RASGEF1A: variants seen among roughly 807,000 people sequenced by gnomAD.
RASGEF1A encodes ras-GEF domain-containing family member 1A.
In RASGEF1A, 18 loss-of-function variants were observed where a neutral mutation model predicts 56.4. The ratio of observed to expected loss-of-function variants is 0.32; its 90% CI spans 0.22 to 0.47. The LOEUF (loss-of-function observed/expected upper bound fraction) is 0.47, where lower values mean the gene tolerates loss of function less well. Ranked by LOEUF, RASGEF1A falls within the 20% of genes least tolerant of loss-of-function variation. RASGEF1A has a pLI of 1.00. For synonymous variants in RASGEF1A, 245 were observed against 242.6 expected, an observed-to-expected ratio of 1.01 and a Z score of -0.09; for missense variants, 422 against 627.1, an observed-to-expected ratio of 0.67 and a Z score of 3.49.
chr10:43,242,948 G>A lies in RASGEF1A; in HGVS notation c.-7+23897C>T, dbSNP rs576027308. 5.7e-4 allele frequency among the ~76,000 whole-genome samples: 87 copies of A among 152,304 alleles called. No individual in the cohort carries two copies. The South Asian group carries it at 6.2e-3, about 11-fold the overall frequency. ...CTAAGATTACAGCCTCTGCCCGCCC[G>A]CCACCCCGTCTAGGAAGTGAGCAGC... On this transcript the variant is annotated intron_variant, in intron 1 of 12. Coordinates refer to ENST00000395810, the MANE Select transcript of RASGEF1A (RefSeq NM_145313.4).
At chr10:43,230,247 GAC>G (rs920178780) in intron 1 of RASGEF1A, among the ~76,000 whole-genome samples, 6 of 152,238 alleles carry the variant, frequency 3.9e-5, no homozygotes, top group African/African-American at 1.4e-4. Context: ...TCTGGCCTGA[GAC>G]AGGCGTCGCA....
chr10:43,236,581 C>T (rs966100768), intron 1 of RASGEF1A, among the ~76,000 whole-genome samples: 6 of 152,262 alleles, frequency 3.9e-5, no homozygotes, highest in South Asian at 2.1e-4. Flanking sequence ...CTCCGTCTCT[C>T]GCGCCCTCCC....
chr10:43,204,320 G>A (rs2133188053), intron 2 of RASGEF1A, among the ~76,000 whole-genome samples: 1 of 152,274 alleles, frequency 6.6e-6, no homozygotes, highest in South Asian at 2.1e-4. Flanking sequence ...GTGCTTGCTG[G>A]GAGTACAGGC....
intron 9 of RASGEF1A, 90 bp downstream of exon 9, chr10:43,198,843 G>GC (rs947445882): frequency 3.3e-6 from 4 of 1,222,906 alleles, no homozygotes; most frequent in African/African-American, 1.5e-5. Context: ...GAGGAGGGCA[G>GC]CCCCCCACCC....
At chr10:43,240,723 C>T (rs972362944) in intron 1 of RASGEF1A, among the ~76,000 whole-genome samples, 8 of 151,868 alleles carry the variant, frequency 5.3e-5, no homozygotes, top group African/African-American at 1.7e-4. Context: ...CCACAGACAC[C>T]ATAATGGACA....
At chr10:43,203,736 T>C (rs1839950366) in intron 2 of RASGEF1A, 1 of 1,107,670 alleles carries the variant, frequency 9.0e-7, no homozygotes, top group African/African-American at 1.7e-5. Flanking sequence ...GCCTGGGACG[T>C]TGGTAGGGCT....
rs1485642682 is a variant in RASGEF1A, at chr10:43,208,414, C to CT, written c.-6-2293dup. On this transcript the variant is annotated intron_variant, in intron 1 of 12. Transcript: ENST00000395810. The stretch of plus-strand genomic sequence containing the variant: ...CCTGCCTCAGTGCTAGGAGGCCTGC[C>CT]TAGGAGTTGAGGAGCCATCCTGGGG... The CT allele has an allele frequency of 3.0e-6, 3 of 985,442 alleles. No individual in the cohort carries two copies. The African/African-American group carries it at 5.2e-5, about 17-fold the overall frequency. 61.0% of individuals were successfully genotyped at this position (985,442 alleles called of 1,614,324 possible).
At chr10:43,201,439 C>T (rs758753136) in intron 4 of RASGEF1A, among the ~76,000 whole-genome samples, 1 of 152,266 alleles carries the variant, frequency 6.6e-6, no homozygotes, top group Non-Finnish European at 1.5e-5. Context: ...AATGGGAGAC[C>T]GGTTTAAAGC....
At chr10:43,200,131 G>T in intron 6 of RASGEF1A, 51 bp downstream of exon 6, 1 of 1,461,276 alleles carries the variant, frequency 6.8e-7, no homozygotes, top group Non-Finnish European at 9.4e-7. Flanking sequence ...TGGAGCGCAA[G>T]TGCTGGGCAG....
intron 1 of RASGEF1A, among the ~76,000 whole-genome samples, chr10:43,238,187 G>C (rs571628586): frequency 7.3e-5 from 11 of 151,488 alleles, no homozygotes; most frequent in African/African-American, 2.2e-4. Context: ...GGTTAGCCAT[G>C]TCGACTTAAA....
chr10:43,252,819 G>A (rs1840642543), intron 1 of RASGEF1A, among the ~76,000 whole-genome samples: 1 of 151,982 alleles, frequency 6.6e-6, no homozygotes, highest in Non-Finnish European at 1.5e-5. Context: ...CTCGCGGCGG[G>A]AGGCAGCACC....
chr10:43,229,818 G>A, intron 1 of RASGEF1A: 1 of 1,102,612 alleles, frequency 9.1e-7, no homozygotes, highest in South Asian at 2.6e-5. Flanking sequence ...GAGGGGCTGG[G>A]CTGGGGACCG....
intron 1 of RASGEF1A, among the ~76,000 whole-genome samples, chr10:43,217,525 C>A (rs1015895123): frequency 6.6e-6 from 1 of 152,262 alleles, no homozygotes; most frequent in African/African-American, 2.4e-5. Flanking sequence ...ACACCTAGGT[C>A]CTCCCAGCTC....
chr10:43,256,164 G>A (rs1485277241), intron 1 of RASGEF1A, among the ~76,000 whole-genome samples: 4 of 152,168 alleles, frequency 2.6e-5, no homozygotes, highest in African/African-American at 9.7e-5. Flanking sequence ...TGGCCACACT[G>A]TGCCCCACAA....
intron 1 of RASGEF1A, among the ~76,000 whole-genome samples, chr10:43,233,221 G>A (rs1840393620): frequency 6.6e-6 from 1 of 152,180 alleles, no homozygotes; most frequent in African/African-American, 2.4e-5. Context: ...CATGAGGGCA[G>A]GATCTTTGTT....
chr10:43,242,339 C>T (rs1291891251), intron 1 of RASGEF1A, among the ~76,000 whole-genome samples: 1 of 152,054 alleles, frequency 6.6e-6, no homozygotes, highest in African/African-American at 2.4e-5. Context: ...CAAATATATA[C>T]CTAACAACAG....
rs1839796061 is a variant in RASGEF1A at position 43,196,262 on chromosome 10, G to A, written c.1428C>T (p.Thr476=). ...ATCCGCCTCAGGCTCTGTTCAGAAG[G>A]GTGGTCCTAGAGGGGGACAGGACAA... ...EKDSWKTLRT[T]LLNRA is the part of the protein sequence containing the mutation. Residue 476 remains threonine, a synonymous_variant, in exon 13 of 13, where the codon ACC becomes ACT. Transcript: ENST00000395810. The surrounding 1 kb of genome is among the most constrained non-coding windows in gnomAD (Gnocchi z 4.6). 6.2e-7 allele frequency: 1 copy of A among 1,613,638 alleles called. No homozygotes were observed. The highest frequency in any genetic ancestry group is 8.5e-7 in the Non-Finnish European group (1 of 1,179,766).
intron 1 of RASGEF1A, among the ~76,000 whole-genome samples, chr10:43,213,614 C>T (rs1361572661): frequency 6.6e-6 from 1 of 152,130 alleles, no homozygotes; most frequent in African/African-American, 2.4e-5. Flanking sequence ...TCTTCAAGGA[C>T]GTTGGAGAGT....
chr10:43,213,668 C>G (rs891067382), intron 1 of RASGEF1A, among the ~76,000 whole-genome samples: 1 of 152,150 alleles, frequency 6.6e-6, no homozygotes, highest in Non-Finnish European at 1.5e-5. Context: ...GCTCTGTGGC[C>G]CAGGCTGGAG....
Sources: allele counts gnomAD v4.1 joint callset (sites outside exome capture counted in the v4.1 genomes callset), GRCh38; gene constraint gnomAD v4.1.1; non-coding constraint Gnocchi (gnomAD v3.1); transcripts MANE v1.5; gene names NCBI Gene and HGNC (gene_info 2026-07-23, HGNC 2026-07-21).